Variants in ARHGAP30 observed in about 807,000 individuals in gnomAD.
The protein encoded by ARHGAP30 is rho GTPase-activating protein 30.
A neutral mutation model predicts 72.0 loss-of-function variants in ARHGAP30; 23 were observed. The ratio of observed to expected loss-of-function variants is 0.32; its 90% CI spans 0.23 to 0.45. The LOEUF (loss-of-function observed/expected upper bound fraction) is 0.45. Among genes scored for constraint, ARHGAP30 ranks in the 20% least tolerant of loss-of-function variants. The pLI, the probability that ARHGAP30 is intolerant of heterozygous loss-of-function variation, is 1.00. For synonymous variants in ARHGAP30, 576 were observed against 528.2 expected, an observed-to-expected ratio of 1.09 and a Z score of -1.24; for missense variants, 1,319 against 1,383.4, an observed-to-expected ratio of 0.95 and a Z score of 0.74.
At position 161,048,048 on chromosome 1, in the gene ARHGAP30, A is replaced by G. The variant is rs776102694; in HGVS notation, c.2973T>C (p.Asn991=). The change falls in exon 12 of 12, where the codon AAT becomes AAC. Residue 991 remains asparagine, a synonymous_variant. Coordinates refer to ENST00000368013, the MANE Select transcript of ARHGAP30 (RefSeq NM_001025598.2). ...GSRASRSSWR[N]GGSLSFDAAV... is the part of the protein sequence containing the mutation. ...CAGCATCAAAGGAAAGACTACCCCCATTCCTCCAAGAGGATCGAGAAGCTC... is the reference window on the plus strand; with the variant it reads ...CAGCATCAAAGGAAAGACTACCCCCGTTCCTCCAAGAGGATCGAGAAGCTC... The G allele has an allele frequency of 8.1e-6, 13 of 1,614,008 alleles. No homozygotes were observed. The Admixed American group carries it at 1.5e-4, about 19-fold the overall frequency.
chr1:161,047,830 C>T lies in ARHGAP30; in HGVS notation c.3191G>A (p.Ser1064Asn), dbSNP rs778328270. Residue 1064 changes from serine (S) to asparagine (N), a missense_variant, in exon 12 of 12, where the codon AGT (serine) becomes AAT (asparagine). Coordinates refer to ENST00000368013, the MANE Select transcript of ARHGAP30 (RefSeq NM_001025598.2). ...SEGAEGSGSR[S>N]RLSLPPREPQ... ...TTCTCTGGGGGGCAGACTAAGACGACTCCGGGATCCAGACCCTTCTGCACC... is the reference window on the plus strand; with the variant it reads ...TTCTCTGGGGGGCAGACTAAGACGATTCCGGGATCCAGACCCTTCTGCACC... 2.6e-5 allele frequency: 42 copies of T among 1,610,692 alleles called. No homozygotes were observed. In the Admixed American group the frequency reaches 7.1e-4, roughly 27 times the overall value.
chr1:161,063,878 C>T (rs541276559), intron 1 of ARHGAP30, among the ~76,000 whole-genome samples: 1 of 152,314 alleles, frequency 6.6e-6, no homozygotes, highest in East Asian at 1.9e-4. Flanking sequence ...TCCCATAGCA[C>T]TCCCAGGCTT....
At chr1:161,053,510 T>C in intron 5 of ARHGAP30, 125 bp from the exon 6 acceptor site, 3 of 871,666 alleles carry the variant, frequency 3.4e-6, no homozygotes, top group South Asian at 1.8e-5. Flanking sequence ...CTCTCTCGAA[T>C]GACCTTAACC....
Position 161,049,434 on chromosome 1 carries a change from A to C in ARHGAP30, c.1676T>G (p.Val559Gly), listed in dbSNP as rs761510561. The change falls in exon 11 of 12, where the codon GTT (valine) becomes GGT (glycine). Residue 559 changes from valine (V) to glycine (G), a missense_variant. Val to Gly is a moderately radical substitution (Grantham distance 109, BLOSUM62 -3). Transcript: ENST00000368013. ...GMGYLEELLG[V>G]GPQVEEFSVE... ...CACGGCTCTCCTTACCTGAGGCCCA[A>C]CTCCCAGGAGCTCCTCCAGGTAGCC... 75 of 1,609,590 alleles carry C rather than the reference A, an allele frequency of 4.7e-5. No individual in the cohort carries two copies. Among genetic ancestry groups the C allele is most frequent in the Non-Finnish European group, 1.9e-5 (22 of 1,177,418 alleles).
chr1:161,051,305 G>A lies in ARHGAP30; in HGVS notation c.1420+9C>T, dbSNP rs1184316994. On this transcript the variant is annotated intron_variant, in intron 10 of 11. Transcript: ENST00000368013. ...CTTTCCTAGTCTTGGTCAATCAATG[G>A]GTCCTCACCTGGGGGGCCAGGGCCA... is the stretch of plus-strand genomic sequence containing the variant. 1.3e-6 allele frequency: 2 copies of A among 1,572,740 alleles called. No homozygotes were observed. Among genetic ancestry groups the A allele is most frequent in the Non-Finnish European group, 1.7e-6 (2 of 1,160,746 alleles).
intron 1 of ARHGAP30, among the ~76,000 whole-genome samples, chr1:161,064,835 A>AAGAAAGAGAG (rs1557935476): frequency 5.5e-5 from 4 of 73,138 alleles, no homozygotes; most frequent in African/African-American, 1.6e-4. Context: ...AAGAAAGAGA[A>AAGAAAGAGAG]AGAAAGAAAG....
chr1:161,068,950 G>C (rs1483764879), intron 1 of ARHGAP30, among the ~76,000 whole-genome samples: 1 of 152,038 alleles, frequency 6.6e-6, no homozygotes, highest in Non-Finnish European at 1.5e-5. Context: ...GGGACAACAA[G>C]AGAATCACAA....
At chr1:161,053,472 C>G in intron 5 of ARHGAP30, 87 bp from the exon 6 acceptor site, 3 of 890,576 alleles carry the variant, frequency 3.4e-6, no homozygotes, top group South Asian at 2.1e-5. Context: ...TTCTCTCTCT[C>G]TCTCTCTCTC....
At chr1:161,061,225 GCA>G (rs1289031838) in intron 1 of ARHGAP30, among the ~76,000 whole-genome samples, 1 of 151,930 alleles carries the variant, frequency 6.6e-6, no homozygotes, top group Admixed American at 6.6e-5. Context: ...GAGTGCAGTG[GCA>G]CAGTCTTGGC....
rs535462719 is a variant in ARHGAP30 at position 161,049,681 on chromosome 1, A to C, written c.1429T>G (p.Leu477Val). The C allele has an allele frequency of 3.1e-6, 5 of 1,613,000 alleles. No homozygotes were observed. Among genetic ancestry groups the C allele is most frequent in the Non-Finnish European group, 4.2e-6 (5 of 1,179,488 alleles). The change falls in exon 11 of 12, where the codon TTG (leucine) becomes GTG (valine). Residue 477 changes from leucine (L) to valine (V), a missense_variant. Transcript: ENST00000368013. ...GGACTTGAGGCTGGACTTGCTTCCA[A>C]CTTTTCATCTGTTGGGGGAGAAGTA... ...GLGPGPPDEK[L>V]EASPASSPLA...
In ARHGAP30 at chr1:161,049,671, C is replaced by T; in HGVS notation, c.1439G>A (p.Ser480Asn). 6.2e-7 allele frequency: 1 copy of T among 1,613,406 alleles called. No homozygotes were observed. Among genetic ancestry groups the T allele is most frequent in the Non-Finnish European group, 8.5e-7 (1 of 1,179,672 alleles). The change falls in exon 11 of 12, where the codon AGT becomes AAT. Residue 480 changes from serine (S) to asparagine (N), a missense_variant. Ser to Asn is a conservative substitution (Grantham distance 46, BLOSUM62 1). Transcript: ENST00000368013. ...PGPPDEKLEASPASSPLADSG... is the reference protein window; with the variant it reads ...PGPPDEKLEANPASSPLADSG... ...GTCTGCCAGGGGACTTGAGGCTGGA[C>T]TTGCTTCCAACTTTTCATCTGTTGG...
intron 1 of ARHGAP30, among the ~76,000 whole-genome samples, chr1:161,064,386 CA>C (rs1219692872): frequency 2.6e-5 from 4 of 152,200 alleles, no homozygotes; most frequent in African/African-American, 7.2e-5. Flanking sequence ...GGAGATTTAA[CA>C]GAGAATATTG....
rs1170540125 is a variant in ARHGAP30 at position 161,055,946 on chromosome 1, TA to T, written c.345+441del. Among the ~76,000 whole-genome samples the T allele has an allele frequency of 4.1e-3, 543 of 131,394 alleles. 21 individuals carry two copies. The highest frequency in any genetic ancestry group is 0.012 in the East Asian group (54 of 4,332). The allele number at this position is 131,394 out of a possible 152,430, so 86.2% of individuals were successfully genotyped here. ...AAAATAAAATAAAATAAATATAAAA[TA>T]AAATAAAATACCAAAGATGTTCAAC... On this transcript the variant is annotated intron_variant, in intron 3 of 11. Coordinates refer to ENST00000368013, the MANE Select transcript of ARHGAP30 (RefSeq NM_001025598.2).
chr1:161,052,295 C>T lies in ARHGAP30; in HGVS notation c.1009G>A (p.Ala337Thr), dbSNP rs1651462848. Reference protein sequence around the residue: ...SMDSLSAAAGASDEPEGLVGP... With the variant: ...SMDSLSAAAGTSDEPEGLVGP... ...GCACCCCTATACTCACCATCACTGG[C>T]CCCAGCTGCAGCACTCAGTGAGTCC... Residue 337 changes from alanine (A) to threonine (T), a missense_variant, in exon 9 of 12, where the codon GCC becomes ACC. Transcript: ENST00000368013. 2 of 1,613,958 alleles carry T rather than the reference C, an allele frequency of 1.2e-6. No individual in the cohort carries two copies. Among genetic ancestry groups the T allele is most frequent in the East Asian group, 4.5e-5 (2 of 44,888 alleles).
chr1:161,048,760 T>G lies in ARHGAP30; in HGVS notation c.2261A>C (p.Glu754Ala). The G allele has an allele frequency of 6.2e-7, 1 of 1,614,040 alleles. No homozygotes were observed. The highest frequency in any genetic ancestry group is 8.5e-7 in the Non-Finnish European group (1 of 1,180,022). The change falls in exon 12 of 12, where the codon GAG becomes GCG. Residue 754 changes from glutamate to alanine, a missense_variant. Physicochemically the swap from Glu to Ala is moderately radical, Grantham distance 107 (BLOSUM62 -1). Around this residue, in one of 2 missense-constraint regions of ARHGAP30, gnomAD observed 1,097 missense variants for 1,045.2 expected, o/e 1.05. Transcript: ENST00000368013. ...CTGGGCTTCCTCTCTTTGTTCATCC[T>G]CTTCTCTCTCAATTTCTTTTTCCTT... ...DEKEKEIERE[E>A]DEQREEAQVE...
chr1:161,053,092 T>A lies in ARHGAP30; in HGVS notation c.664+166A>T, dbSNP rs1571083883. 7 of 1,064,126 alleles carry A rather than the reference T, an allele frequency of 6.6e-6. No homozygotes were observed. The East Asian group carries it at 1.8e-4, about 27-fold the overall frequency. 65.9% of individuals were successfully genotyped at this position (1,064,126 alleles called of 1,614,324 possible). ...TGCCCTAGACTGACAGCAGAAGAAG[T>A]CTTCTCAAGTCCTGACTGCACAATT... On this transcript the variant is annotated intron_variant, in intron 6 of 11. Coordinates refer to ENST00000368013, the MANE Select transcript of ARHGAP30 (RefSeq NM_001025598.2).
chr1:161,058,472 C>G (rs1401027184), intron 2 of ARHGAP30, among the ~76,000 whole-genome samples: 4 of 146,024 alleles, frequency 2.7e-5, no homozygotes, highest in African/African-American at 5.1e-5. Flanking sequence ...ACTAAAGATA[C>G]AAAAATTAGC....
intron 1 of ARHGAP30, among the ~76,000 whole-genome samples, chr1:161,063,804 C>G (rs1041947011): frequency 6.6e-6 from 1 of 152,014 alleles, no homozygotes; most frequent in Non-Finnish European, 1.5e-5. Context: ...CTCTGAACGC[C>G]CCCCCCACCG....
rs1651116521 is a variant in ARHGAP30 at position 161,048,931 on chromosome 1, C to T, written c.2090G>A (p.Gly697Glu). 1.2e-6 allele frequency: 2 copies of T among 1,613,980 alleles called. No individual in the cohort carries two copies. The highest frequency in any genetic ancestry group is 4.5e-5 in the East Asian group (2 of 44,868). Residue 697 changes from glycine (G) to glutamate (E), a missense_variant, in exon 12 of 12, where the codon GGA (glycine) becomes GAA (glutamate). Gly to Glu is a moderately conservative substitution (Grantham distance 98). Around this residue, in one of 2 missense-constraint regions of ARHGAP30, gnomAD observed 1,097 missense variants for 1,045.2 expected, o/e 1.05. Transcript: ENST00000368013. ...CAATCTGACTTTTGTCTCTTGGCTT[C>T]CCCCAGCCTCCCCTCTATCCTCACT... is the stretch of plus-strand genomic sequence containing the variant. ...KASEDRGEAGGSQETKVRLRE... is the reference protein window; with the variant it reads ...KASEDRGEAGESQETKVRLRE...
Sources: gnomAD v4.1 joint callset for allele counts (sites outside exome capture counted in the v4.1 genomes callset) on GRCh38, gnomAD v4.1.1 for gene constraint, gnomAD v4.1.1 regional missense constraint, MANE v1.5 for transcripts, NCBI Gene and HGNC (gene_info 2026-07-23, HGNC 2026-07-21) for gene names.